GABRB2: variants seen among roughly 807,000 people sequenced by gnomAD.
GABRB2 encodes gamma-aminobutyric acid receptor subunit beta-2.
In GABRB2, 16 loss-of-function variants were observed where a neutral mutation model predicts 54.7. That is an observed-to-expected ratio of 0.29 (90% CI 0.20 to 0.44). GABRB2 has a LOEUF of 0.44. GABRB2 is among the 20% of genes least tolerant of loss of function. GABRB2 has a pLI of 1.00. For missense variants in GABRB2, 355 were observed against 644.0 expected (o/e 0.55, Z 4.86); for synonymous variants, 244 against 233.8 (o/e 1.04, Z -0.40).
At chr5:161,394,640 T>C (rs1455677906) in intron 5 of GABRB2, among the ~76,000 whole-genome samples, 7 of 152,074 alleles carry the variant, frequency 4.6e-5, no homozygotes, top group African/African-American at 1.7e-4. Flanking sequence ...CTAAACTAAA[T>C]ATGACATACG....
intron 3 of GABRB2, among the ~76,000 whole-genome samples, chr5:161,477,916 G>A (rs1367417093): frequency 1.3e-5 from 2 of 151,946 alleles, no homozygotes; most frequent in East Asian, 3.9e-4. Context: ...TAACACCACT[G>A]TAAACTGTTC....
chr5:161,465,837 A>G (rs1758262217), intron 3 of GABRB2, among the ~76,000 whole-genome samples: 1 of 152,164 alleles, frequency 6.6e-6, no homozygotes, highest in Non-Finnish European at 1.5e-5. Flanking sequence ...GTTTCTGCAT[A>G]GTTTTTACAT....
At chr5:161,523,463 C>T (rs1760177795) in intron 3 of GABRB2, among the ~76,000 whole-genome samples, 1 of 151,416 alleles carries the variant, frequency 6.6e-6, no homozygotes, top group Non-Finnish European at 1.5e-5. Context: ...TAAAATTGGA[C>T]TCTGACAGGC....
intron 5 of GABRB2, among the ~76,000 whole-genome samples, chr5:161,342,678 G>A (rs1026784177): frequency 6.6e-6 from 1 of 151,948 alleles, no homozygotes; most frequent in Non-Finnish European, 1.5e-5. Context: ...ACACATTTTA[G>A]GGAAGCCATA....
At chr5:161,442,045 T>C (rs1349718905) in intron 4 of GABRB2, among the ~76,000 whole-genome samples, 2 of 152,086 alleles carry the variant, frequency 1.3e-5, no homozygotes, top group East Asian at 3.9e-4. Context: ...ACCTATAGGG[T>C]GACTATAGTC....
At chr5:161,397,054 T>A (rs1259787455) in intron 5 of GABRB2, among the ~76,000 whole-genome samples, 2 of 152,194 alleles carry the variant, frequency 1.3e-5, no homozygotes, top group African/African-American at 2.4e-5. Flanking sequence ...TTGAAGATAT[T>A]TCTTCAAAAC....
intron 7 of GABRB2, among the ~76,000 whole-genome samples, chr5:161,331,904 G>T (rs1211333048): frequency 6.6e-6 from 1 of 151,916 alleles, no homozygotes; most frequent in Non-Finnish European, 1.5e-5. Flanking sequence ...GGTGGCTCAC[G>T]CTTGTAATCC....
chr5:161,530,246 C>T (rs1760413898), intron 3 of GABRB2, among the ~76,000 whole-genome samples: 1 of 152,080 alleles, frequency 6.6e-6, no homozygotes, highest in South Asian at 2.1e-4. Context: ...GGAATTTTAA[C>T]ACCTGGACAT....
intron 3 of GABRB2, among the ~76,000 whole-genome samples, chr5:161,513,418 G>GTATA (rs34088468): frequency 6.6e-6 from 1 of 151,906 alleles, no homozygotes; most frequent in Admixed American, 6.6e-5. Context: ...AGAAAATGTG[G>GTATA]TATATATATA....
chr5:161,290,238 T>C lies in GABRB2; in HGVS notation c.*3843A>G, dbSNP rs929843976. On this transcript the variant is annotated 3_prime_UTR_variant, in exon 10 of 10. Coordinates refer to ENST00000393959, the MANE Select transcript of GABRB2 (RefSeq NM_001371727.1). ...TAGTATTTTGCCCTAACCAACATGG[T>C]GGGGTTTAGTTTTTTTTTTTTCTTC... 3.3e-4 allele frequency: 50 copies of C among 152,398 alleles called. No individual in the cohort carries two copies. Among genetic ancestry groups the C allele is most frequent in the African/African-American group, 1.2e-3 (48 of 41,460 alleles). 9.4% of individuals were successfully genotyped at this position (152,398 alleles called of 1,614,324 possible). A position where few individuals can be genotyped will look rare whatever the true frequency, so the allele number is the denominator to read the frequency against.
intron 3 of GABRB2, among the ~76,000 whole-genome samples, chr5:161,463,549 T>TTTTA (rs61366834): frequency 1.8e-5 from 1 of 54,500 alleles, no homozygotes; most frequent in African/African-American, 8.6e-5. Context: ...TTCCAAATAT[T>TTTTA]TTTATTTATA....
rs115934884 is a variant in GABRB2 at position 161,306,828 on chromosome 5, C to G, written c.1192-12400G>C. The stretch of plus-strand genomic sequence containing the variant: ...TTAGAAGCACTGAAGGGAACTGACT[C>G]AGCACTAATTAATAAAACATGATGT... On this transcript the variant is annotated intron_variant, in intron 9 of 9. Coordinates refer to ENST00000393959, the MANE Select transcript of GABRB2 (RefSeq NM_001371727.1). Among the ~76,000 whole-genome samples, 906 of 152,100 alleles carry G rather than the reference C, an allele frequency of 6.0e-3. 9 individuals carry two copies. Among genetic ancestry groups the G allele is most frequent in the African/African-American group, 0.021 (859 of 41,466 alleles).
Position 161,290,842 on chromosome 5 carries a change from C to T in GABRB2, c.*3239G>A, listed in dbSNP as rs1757218129. ...CATTTCCCCATTACGCATTCCACTG[C>T]TCTTTCTTTATGTGTTGTGCTTTTG... On this transcript the variant is annotated 3_prime_UTR_variant, in exon 10 of 10. Coordinates refer to ENST00000393959, the MANE Select transcript of GABRB2 (RefSeq NM_001371727.1). 3 of 152,528 alleles carry T rather than the reference C, an allele frequency of 2.0e-5. No homozygotes were observed. Among genetic ancestry groups the T allele is most frequent in the Admixed American group, 6.6e-5 (1 of 15,260 alleles). The allele number at this position is 152,528 out of a possible 1,614,324, so 9.4% of individuals were successfully genotyped here.
intron 5 of GABRB2, among the ~76,000 whole-genome samples, chr5:161,388,709 T>C (rs180789741): frequency 2.6e-4 from 39 of 152,104 alleles, no homozygotes; most frequent in Admixed American, 4.6e-4. Flanking sequence ...TAGGGCTTTG[T>C]GTCTTTTTTT....
intron 4 of GABRB2, among the ~76,000 whole-genome samples, chr5:161,444,586 C>T (rs1757561416): frequency 6.6e-6 from 1 of 152,124 alleles, no homozygotes; most frequent in South Asian, 2.1e-4. Flanking sequence ...ACACGGTCAA[C>T]TCATATTTGC....
chr5:161,498,505 T>C (rs1759325795), intron 3 of GABRB2, among the ~76,000 whole-genome samples: 1 of 152,138 alleles, frequency 6.6e-6, no homozygotes, highest in African/African-American at 2.4e-5. Context: ...CCTACTAAAT[T>C]CTTCTTGCAG....
chr5:161,512,453 A>G (rs1029398601), intron 3 of GABRB2, among the ~76,000 whole-genome samples: 1 of 152,096 alleles, frequency 6.6e-6, no homozygotes, highest in African/African-American at 2.4e-5. Context: ...GTCAATGAAA[A>G]TAAGCAATGG....
At chr5:161,461,219 C>T (rs769445176) in intron 3 of GABRB2, among the ~76,000 whole-genome samples, 9 of 152,118 alleles carry the variant, frequency 5.9e-5, no homozygotes, top group African/African-American at 1.2e-4. Context: ...CCAGAAAAGG[C>T]GACATGTACA....
At chr5:161,350,287 G>A (rs990967193) in intron 5 of GABRB2, among the ~76,000 whole-genome samples, 1 of 151,966 alleles carries the variant, frequency 6.6e-6, no homozygotes, top group Non-Finnish European at 1.5e-5. Flanking sequence ...GATATATACA[G>A]AAAATCCAAA....
Sources: allele counts gnomAD v4.1 joint callset (sites outside exome capture counted in the v4.1 genomes callset), GRCh38; gene constraint gnomAD v4.1.1; transcripts MANE v1.5; gene names NCBI Gene and HGNC (gene_info 2026-07-23, HGNC 2026-07-21).